GLG1: variants seen among roughly 807,000 people sequenced by gnomAD.
The protein encoded by GLG1 is golgi glycoprotein 1.
In GLG1, 38 loss-of-function variants were observed where a neutral mutation model predicts 160.5. The ratio of observed to expected loss-of-function variants is 0.24; its 90% CI spans 0.18 to 0.31. The LOEUF (loss-of-function observed/expected upper bound fraction) is 0.31. GLG1 is among the 10% of genes least tolerant of loss of function. The pLI, the probability that GLG1 is intolerant of heterozygous loss-of-function variation, is 1.00. For synonymous variants in GLG1, 644 were observed against 543.4 expected (o/e 1.19, Z -2.57); for missense variants, 1,373 against 1,505.2 (o/e 0.91, Z 1.45).
At chr16:74,595,004 C>A (rs1216710868) in intron 1 of GLG1, among the ~76,000 whole-genome samples, 1 of 151,636 alleles carries the variant, frequency 6.6e-6, no homozygotes, top group African/African-American at 2.4e-5. Flanking sequence ...CTGGCTAACA[C>A]AGTGAAACCT....
intron 4 of GLG1, among the ~76,000 whole-genome samples, chr16:74,502,823 G>C (rs2016458396): frequency 6.9e-6 from 1 of 145,626 alleles, no homozygotes. Flanking sequence ...GCCCACCTCA[G>C]CCTCCCAAAG....
At chr16:74,564,416 C>A (rs1335653171) in intron 1 of GLG1, among the ~76,000 whole-genome samples, 3 of 152,172 alleles carry the variant, frequency 2.0e-5, no homozygotes, top group Non-Finnish European at 4.4e-5. Context: ...TTAGTATTAT[C>A]CTCCTAACAG....
intron 1 of GLG1, among the ~76,000 whole-genome samples, chr16:74,583,578 C>A: frequency 6.6e-6 from 1 of 152,132 alleles, no homozygotes; most frequent in East Asian, 1.9e-4. Context: ...CAGGGTTTCA[C>A]CATGTTGGCC....
At chr16:74,486,655 A>C (rs913730822) in intron 8 of GLG1, among the ~76,000 whole-genome samples, 3 of 152,180 alleles carry the variant, frequency 2.0e-5, no homozygotes, top group African/African-American at 7.2e-5. Flanking sequence ...TCCTGCCTTT[A>C]AGGCACTTGG....
chr16:74,454,810 G>A (rs369887849), intron 25 of GLG1, among the ~76,000 whole-genome samples: 101 of 151,100 alleles, frequency 6.7e-4, no homozygotes, highest in African/African-American at 2.4e-3. Flanking sequence ...GGGATTATAG[G>A]TGTGAGCCAC....
At chr16:74,567,661 C>T (rs2018696834) in intron 1 of GLG1, among the ~76,000 whole-genome samples, 1 of 148,982 alleles carries the variant, frequency 6.7e-6, no homozygotes, top group African/African-American at 2.5e-5. Context: ...CTCCGCTTCC[C>T]GGGTTCACGC....
chr16:74,474,053 A>C (rs1446932908), intron 13 of GLG1: 2 of 153,894 alleles, frequency 1.3e-5, no homozygotes, highest in African/African-American at 4.8e-5. Flanking sequence ...TCCCGGGTTC[A>C]AGTGATTCTC....
chr16:74,586,037 T>G (rs1239721944), intron 1 of GLG1, among the ~76,000 whole-genome samples: 3 of 142,766 alleles, frequency 2.1e-5, no homozygotes, highest in East Asian at 4.1e-4. Flanking sequence ...CACTCTAGCC[T>G]GGACAACAGA....
intron 1 of GLG1, among the ~76,000 whole-genome samples, chr16:74,546,613 G>A (rs1405300340): frequency 1.3e-5 from 2 of 150,822 alleles, no homozygotes; most frequent in African/African-American, 2.4e-5. Context: ...AAGGCAAGGC[G>A]GATCACCTCA....
At chr16:74,483,660 TTTC>T (rs1472653222) in intron 9 of GLG1, among the ~76,000 whole-genome samples, 2 of 151,968 alleles carry the variant, frequency 1.3e-5, no homozygotes, top group Non-Finnish European at 2.9e-5. Context: ...TTTCTTTTCT[TTTC>T]TTTTTTTTTT....
intron 1 of GLG1, among the ~76,000 whole-genome samples, chr16:74,566,289 G>T (rs1475370846): frequency 6.6e-6 from 1 of 152,178 alleles, no homozygotes; most frequent in Non-Finnish European, 1.5e-5. Context: ...GACAGGGAAA[G>T]TATCTACATA....
At chr16:74,475,252 G>T (rs2015357244) in intron 12 of GLG1, among the ~76,000 whole-genome samples, 1 of 150,992 alleles carries the variant, frequency 6.6e-6, no homozygotes, top group African/African-American at 2.4e-5. Context: ...TGTCCTCAAA[G>T]TCTAAAAACC....
chr16:74,547,422 CA>C lies in GLG1; in HGVS notation c.439-15270del, dbSNP rs1455976014. 5.3e-5 allele frequency among the ~76,000 whole-genome samples: 8 copies of C among 152,082 alleles called. No homozygotes were observed. The South Asian group carries it at 1.2e-3, about 24-fold the overall frequency. On this transcript the variant is annotated intron_variant, in intron 1 of 25. Coordinates refer to ENST00000422840, the MANE Select transcript of GLG1 (RefSeq NM_001145667.2). ...TGCCTCCAAAATAGATCAGACACAACAAAAGTGTCTTGCATCTGTGTATTGG... is the reference window on the plus strand; with the variant it reads ...TGCCTCCAAAATAGATCAGACACAACAAAGTGTCTTGCATCTGTGTATTGG...
chr16:74,470,047 A>G lies in GLG1; in HGVS notation c.2256T>C (p.Ser752=), dbSNP rs776821935. Residue 752 remains serine (S), a synonymous_variant, in exon 16 of 26, where the codon TCT becomes TCC. Transcript: ENST00000422840. The stretch of plus-strand genomic sequence containing the variant: ...CCTTGCAGGCCATTTTAAACTTGTA[A>G]GAAAACCGAAAATCCTTCATCTGCA... ...QLVQMKDFRF[S]YKFKMACKED... 6.2e-7 allele frequency: 1 copy of G among 1,609,542 alleles called. No homozygotes were observed. Among genetic ancestry groups the G allele is most frequent in the East Asian group, 2.2e-5 (1 of 44,874 alleles).
intron 3 of GLG1, among the ~76,000 whole-genome samples, chr16:74,507,174 T>C (rs1378176791): frequency 6.6e-6 from 1 of 152,218 alleles, no homozygotes; most frequent in Non-Finnish European, 1.5e-5. Flanking sequence ...CAGTATAATC[T>C]TCCTGTGGGA....
intron 2 of GLG1, among the ~76,000 whole-genome samples, chr16:74,521,958 T>C (rs968708338): frequency 6.6e-6 from 1 of 152,158 alleles, no homozygotes; most frequent in Non-Finnish European, 1.5e-5. Flanking sequence ...AAAGGATACA[T>C]CCAGGCTTAT....
intron 1 of GLG1, among the ~76,000 whole-genome samples, chr16:74,595,258 C>T (rs1436137564): frequency 6.7e-6 from 1 of 148,540 alleles, no homozygotes; most frequent in Non-Finnish European, 1.5e-5. Flanking sequence ...CTGAAGGGCT[C>T]TGGGTGTGGT....
At chr16:74,553,001 T>G (rs28712225) in intron 1 of GLG1, among the ~76,000 whole-genome samples, 3 of 141,644 alleles carry the variant, frequency 2.1e-5, no homozygotes, top group Admixed American at 7.0e-5. Context: ...AGCGGATCAC[T>G]TGAGGTCAGA....
intron 16 of GLG1, chr16:74,469,344 A>G: frequency 2.2e-6 from 1 of 451,548 alleles, no homozygotes; most frequent in Non-Finnish European, 4.0e-6. Context: ...ATCTGTGTTA[A>G]AAACATGTGA....
Sources: gnomAD v4.1 joint callset for allele counts (sites outside exome capture counted in the v4.1 genomes callset) on GRCh38, gnomAD v4.1.1 for gene constraint, MANE v1.5 for transcripts, NCBI Gene and HGNC (gene_info 2026-07-23, HGNC 2026-07-21) for gene names.